INPP4B: variants seen among roughly 807,000 people sequenced by gnomAD.
INPP4B encodes inositol polyphosphate-4-phosphatase type II B, also known as inositol polyphosphate 4-phosphatase type II.
Under a neutral mutation model 122.5 loss-of-function variants are expected in INPP4B, and 55 were observed. The observed-to-expected ratio is 0.45, with a 90% CI of 0.36 to 0.56. The LOEUF is 0.56. INPP4B is among the 20% of genes least tolerant of loss of function. The probability of loss-of-function intolerance (pLI) is 0.00; values close to 1 mark genes in which losing one functional copy is unlikely to be tolerated. For missense variants in INPP4B, 1,000 were observed against 1,097.7 expected (o/e 0.91, Z 1.26); for synonymous variants, 403 against 388.7 (o/e 1.04, Z -0.43).
intron 25 of INPP4B, among the ~76,000 whole-genome samples, chr4:142,066,141 A>C (rs1763393203): frequency 6.6e-6 from 1 of 152,212 alleles, no homozygotes; most frequent in Non-Finnish European, 1.5e-5. Flanking sequence ...ATTTAGAATT[A>C]ATTTCTAATT....
intron 2 of INPP4B, among the ~76,000 whole-genome samples, chr4:142,566,463 A>T (rs1731646682): frequency 6.6e-6 from 1 of 152,220 alleles, no homozygotes; most frequent in African/African-American, 2.4e-5. Flanking sequence ...AGGTGAGTCA[A>T]TGGAAGCAGA....
intron 2 of INPP4B, among the ~76,000 whole-genome samples, chr4:142,644,676 C>A (rs988465356): frequency 1.4e-5 from 2 of 139,466 alleles, no homozygotes; most frequent in African/African-American, 5.4e-5. Flanking sequence ...GTGGGCTGGG[C>A]GGATCACCTA....
chr4:142,676,442 T>C (rs958058639), intron 2 of INPP4B, among the ~76,000 whole-genome samples: 1 of 151,968 alleles, frequency 6.6e-6, no homozygotes, highest in African/African-American at 2.4e-5. Flanking sequence ...GCGAATACTA[T>C]CCCCAACAAG....
At chr4:142,522,418 G>A (rs1826213416) in intron 2 of INPP4B, among the ~76,000 whole-genome samples, 2 of 143,680 alleles carry the variant, frequency 1.4e-5, no homozygotes, top group African/African-American at 2.6e-5. Flanking sequence ...CATGATCACA[G>A]AGCACTGCAG....
At chr4:142,545,782 CATAT>C (rs1320677322) in intron 2 of INPP4B, among the ~76,000 whole-genome samples, 4 of 128,796 alleles carry the variant, frequency 3.1e-5, no homozygotes, top group South Asian at 2.5e-4. Context: ...TATATATACA[CATAT>C]ATATGTGTGT....
At chr4:142,612,938 T>C (rs1374405565) in intron 2 of INPP4B, among the ~76,000 whole-genome samples, 1 of 152,196 alleles carries the variant, frequency 6.6e-6, no homozygotes, top group African/African-American at 2.4e-5. Flanking sequence ...TGGACCTATT[T>C]CTAGCTAAGT....
chr4:142,054,075 T>C (rs2152406761), intron 25 of INPP4B, among the ~76,000 whole-genome samples: 1 of 149,774 alleles, frequency 6.7e-6, no homozygotes, highest in Admixed American at 6.7e-5. Context: ...ATAACATTGC[T>C]GTTTTATACA....
chr4:142,536,752 T>A (rs1828239124), intron 2 of INPP4B, among the ~76,000 whole-genome samples: 1 of 152,122 alleles, frequency 6.6e-6, no homozygotes, highest in South Asian at 2.1e-4. Context: ...TGAACTTGAC[T>A]CTAAACGGGC....
intron 2 of INPP4B, among the ~76,000 whole-genome samples, chr4:142,464,007 T>A (rs948197507): frequency 6.6e-6 from 1 of 152,128 alleles, no homozygotes; most frequent in Admixed American, 6.5e-5. Context: ...ACAACCACCC[T>A]ATAAGGGAGG....
intron 1 of INPP4B, among the ~76,000 whole-genome samples, chr4:142,821,746 A>G (rs367830701): frequency 1.3e-5 from 2 of 152,184 alleles, no homozygotes; most frequent in Admixed American, 6.5e-5. Context: ...AATTGTGGAG[A>G]GAACACAGGC....
At chr4:142,481,589 G>A (rs1332918010) in intron 2 of INPP4B, among the ~76,000 whole-genome samples, 3 of 151,910 alleles carry the variant, frequency 2.0e-5, no homozygotes, top group Non-Finnish European at 1.5e-5. Flanking sequence ...TATTGAATTT[G>A]TATTATCAAA....
At chr4:142,244,750 G>A (rs1364044238) in intron 11 of INPP4B, among the ~76,000 whole-genome samples, 1 of 152,146 alleles carries the variant, frequency 6.6e-6, no homozygotes, top group Non-Finnish European at 1.5e-5. Flanking sequence ...ACTCAATAAT[G>A]GGATTGCTGG....
chr4:142,410,089 C>A (rs1804282060), intron 5 of INPP4B, among the ~76,000 whole-genome samples: 1 of 152,190 alleles, frequency 6.6e-6, no homozygotes, highest in South Asian at 2.1e-4. Context: ...CCAATTTTGG[C>A]TGGAAGCCTA....
rs368527003 is a variant in INPP4B at position 142,405,118 on chromosome 4, T to TGGGGG, written c.255+83_255+87dup. On this transcript the variant is annotated intron_variant, in intron 6 of 25. Coordinates refer to ENST00000262992, the MANE Select transcript of INPP4B (RefSeq NM_001101669.3). ...TTCAAATCCAGAGATGGGGCGGGGGTGGGGGGGAGGGAGAGAGAGAGCAAG... is the reference window on the plus strand; with the variant it reads ...TTCAAATCCAGAGATGGGGCGGGGGTGGGGGGGGGGGGAGGGAGAGAGAGAGCAAG... 984 of 531,518 alleles carry TGGGGG rather than the reference T, an allele frequency of 1.9e-3. 2 individuals are homozygous for TGGGGG. Among genetic ancestry groups the TGGGGG allele is most frequent in the East Asian group, 5.6e-3 (173 of 31,120 alleles). 32.9% of individuals were successfully genotyped at this position (531,518 alleles called of 1,614,324 possible).
chr4:142,235,523 A>G (rs1459492979), intron 12 of INPP4B, among the ~76,000 whole-genome samples: 4 of 152,050 alleles, frequency 2.6e-5, no homozygotes, highest in Non-Finnish European at 4.4e-5. Flanking sequence ...CCAGGTTCAC[A>G]CCATTCTTCC....
intron 15 of INPP4B, among the ~76,000 whole-genome samples, chr4:142,189,057 C>A (rs544156818): frequency 6.6e-6 from 1 of 152,236 alleles, no homozygotes; most frequent in African/African-American, 2.4e-5. Context: ...TGCAAAAAGT[C>A]TCCTATTTAT....
At chr4:142,118,674 C>A (rs376953762) in intron 21 of INPP4B, among the ~76,000 whole-genome samples, 6 of 152,056 alleles carry the variant, frequency 3.9e-5, no homozygotes, top group Non-Finnish European at 7.4e-5. Context: ...AATGTCAGAC[C>A]TAAAACCATA....
intron 6 of INPP4B, 41 bp downstream of exon 6, chr4:142,405,159 AAGAGAG>A (rs3076598): frequency 5.4e-3 from 5,061 of 944,936 alleles, no homozygotes; most frequent in South Asian, 9.1e-3. Context: ...GCGAGCCAGC[AAGAGAG>A]AGAGAGAGAG....
intron 2 of INPP4B, among the ~76,000 whole-genome samples, chr4:142,604,814 A>G (rs777362680): frequency 6.6e-6 from 1 of 152,132 alleles, no homozygotes; most frequent in Non-Finnish European, 1.5e-5. Flanking sequence ...TACAAATTCA[A>G]TGCAATCTCT....
Sources: gnomAD v4.1 joint callset for allele counts (sites outside exome capture counted in the v4.1 genomes callset) on GRCh38, gnomAD v4.1.1 for gene constraint, MANE v1.5 for transcripts, NCBI Gene and HGNC (gene_info 2026-07-23, HGNC 2026-07-21) for gene names.